Variants in NLGN1 observed in about 807,000 individuals in gnomAD.
The protein encoded by NLGN1 is neuroligin-1.
NLGN1 carries 12 observed loss-of-function variants against 65.5 expected under a neutral mutation model. The ratio of observed to expected loss-of-function variants is 0.18; its 90% confidence interval spans 0.12 to 0.30. The LOEUF (loss-of-function observed/expected upper bound fraction) is 0.30, where lower values mean the gene tolerates loss of function less well. NLGN1 is among the 10% of genes least tolerant of loss of function. The pLI is 1.00. For missense variants in NLGN1, 750 were observed against 1,007.1 expected, an observed-to-expected ratio of 0.74 and a Z score of 3.46; for synonymous variants, 350 against 359.5, an observed-to-expected ratio of 0.97 and a Z score of 0.30.
intron 4 of NLGN1, among the ~76,000 whole-genome samples, chr3:174,113,347 TAAGG>T (rs1319359737): frequency 2.0e-5 from 3 of 152,012 alleles, no homozygotes; most frequent in African/African-American, 7.2e-5. Context: ...TAAATGTTTC[TAAGG>T]AAGATTGACA....
At chr3:173,511,604 T>C (rs1732986244) in intron 2 of NLGN1, among the ~76,000 whole-genome samples, 1 of 152,204 alleles carries the variant, frequency 6.6e-6, no homozygotes, top group Non-Finnish European at 1.5e-5. Flanking sequence ...ATCACATGCT[T>C]GTTAGACCTT....
intron 2 of NLGN1, among the ~76,000 whole-genome samples, chr3:173,479,497 A>G (rs886953275): frequency 3.3e-5 from 5 of 152,192 alleles, no homozygotes; most frequent in Admixed American, 2.0e-4. Context: ...AATTTTGTAG[A>G]CAGGCTTTCT....
In NLGN1 at chr3:173,491,868, C is replaced by G. The variant is rs532531564; in HGVS notation, c.-321+56790C>G. On this transcript the variant is annotated intron_variant, in intron 2 of 6. Transcript: ENST00000457714. ...CAGTTTTAGGAGTCATCCTAAGTTG[C>G]CATTAACCCCTGAACTATGCCATTA... Among the ~76,000 whole-genome samples, 81 of 151,798 alleles carry G rather than the reference C, an allele frequency of 5.3e-4. 3 individuals carry two copies. The highest frequency in any genetic ancestry group is 1.9e-3 in the African/African-American group (79 of 41,172).
intron 2 of NLGN1, among the ~76,000 whole-genome samples, chr3:173,559,205 C>T (rs1272900021): frequency 4.6e-5 from 7 of 152,134 alleles, no homozygotes; most frequent in South Asian, 2.1e-4. Flanking sequence ...TCTCAATTTT[C>T]GGCCCCTTTT....
At chr3:174,233,093 T>C (rs1006399471) in intron 4 of NLGN1, among the ~76,000 whole-genome samples, 2 of 152,184 alleles carry the variant, frequency 1.3e-5, no homozygotes, top group African/African-American at 4.8e-5. Flanking sequence ...AGAAGGGTGC[T>C]CTGGGGTGGC....
At chr3:173,450,202 G>A (rs1357569123) in intron 2 of NLGN1, among the ~76,000 whole-genome samples, 4 of 152,126 alleles carry the variant, frequency 2.6e-5, no homozygotes, top group Non-Finnish European at 4.4e-5. Flanking sequence ...GGCTGGTACT[G>A]GTTGTTCCTT....
intron 4 of NLGN1, among the ~76,000 whole-genome samples, chr3:173,901,644 T>C (rs1399938500): frequency 6.6e-6 from 1 of 152,030 alleles, no homozygotes; most frequent in Admixed American, 6.6e-5. Flanking sequence ...AATAGTAATA[T>C]CTCTCTTTGT....
rs1750382000 is a variant in NLGN1 at position 174,275,519 on chromosome 3, C to G, written c.851C>G (p.Ser284Ter). The change falls in exon 5 of 7, where the codon TCA (serine) becomes TGA (stop). Residue 284 changes from serine to a stop codon, truncating the protein, a stop_gained. Transcript: ENST00000457714. LOFTEE classifies it high-confidence loss of function. ...TCTGAAGGTAACCGTTGGAGCAATT[C>G]AACCAAAGGTATTATGCAAGGTTGC... The G allele has an allele frequency of 6.2e-7, 1 of 1,611,046 alleles. No individual in the cohort carries two copies. Among genetic ancestry groups the G allele is most frequent in the African/African-American group, 1.3e-5 (1 of 74,774 alleles).
intron 4 of NLGN1, among the ~76,000 whole-genome samples, chr3:174,108,116 T>C (rs1037104956): frequency 6.6e-6 from 1 of 152,140 alleles, no homozygotes; most frequent in Admixed American, 6.6e-5. Flanking sequence ...AACTGCATCT[T>C]TCACAGAGCA....
intron 4 of NLGN1, among the ~76,000 whole-genome samples, chr3:174,005,586 G>A (rs1724195446): frequency 6.6e-6 from 1 of 152,058 alleles, no homozygotes; most frequent in African/African-American, 2.4e-5. Flanking sequence ...TAAGCCCTCT[G>A]CTGCATCTGT....
intron 4 of NLGN1, among the ~76,000 whole-genome samples, chr3:173,913,628 T>C (rs1740109729): frequency 6.6e-6 from 1 of 152,106 alleles, no homozygotes; most frequent in Non-Finnish European, 1.5e-5. Flanking sequence ...CTGGCTAGTG[T>C]CCAGGTACTA....
chr3:173,640,545 A>C (rs1757247833), intron 3 of NLGN1, among the ~76,000 whole-genome samples: 1 of 152,148 alleles, frequency 6.6e-6, no homozygotes, highest in Non-Finnish European at 1.5e-5. Flanking sequence ...TAAGGCTATT[A>C]TCATATCTAA....
intron 3 of NLGN1, among the ~76,000 whole-genome samples, chr3:173,798,945 A>G (rs1216482290): frequency 6.6e-6 from 1 of 151,972 alleles, no homozygotes; most frequent in African/African-American, 2.4e-5. Flanking sequence ...GAGAGTTATA[A>G]TAGTAAATTT....
chr3:174,221,962 C>T (rs1738751387), intron 4 of NLGN1, among the ~76,000 whole-genome samples: 1 of 152,064 alleles, frequency 6.6e-6, no homozygotes, highest in Admixed American at 6.6e-5. Context: ...GATTTTGGCC[C>T]TCTTCTAATC....
intron 4 of NLGN1, among the ~76,000 whole-genome samples, chr3:174,157,989 G>A (rs2152714904): frequency 6.6e-6 from 1 of 151,840 alleles, no homozygotes; most frequent in East Asian, 1.9e-4. Flanking sequence ...GCCTTAAGTA[G>A]AAAGTACATT....
intron 2 of NLGN1, among the ~76,000 whole-genome samples, chr3:173,444,732 C>T (rs1477451414): frequency 1.3e-5 from 2 of 151,708 alleles, no homozygotes; most frequent in Non-Finnish European, 2.9e-5. Context: ...ATCTATCTAT[C>T]TATATATACA....
intron 3 of NLGN1, among the ~76,000 whole-genome samples, chr3:173,700,143 G>A (rs1214194940): frequency 6.6e-6 from 1 of 152,174 alleles, no homozygotes; most frequent in African/African-American, 2.4e-5. Flanking sequence ...AAAAACCACA[G>A]GCTCCTGGGA....
At chr3:173,587,789 T>C (rs1409708233) in intron 2 of NLGN1, among the ~76,000 whole-genome samples, 5 of 152,182 alleles carry the variant, frequency 3.3e-5, no homozygotes, top group Non-Finnish European at 7.4e-5. Flanking sequence ...TAAAAACTGA[T>C]GTTGCATTCA....
At chr3:174,109,712 C>A (rs758555891) in intron 4 of NLGN1, among the ~76,000 whole-genome samples, 2 of 151,682 alleles carry the variant, frequency 1.3e-5, no homozygotes, top group Non-Finnish European at 2.9e-5. Flanking sequence ...AGGTACTATA[C>A]CTTATTGGAA....
Sources: gnomAD v4.1 joint callset for allele counts (sites outside exome capture counted in the v4.1 genomes callset) on GRCh38, gnomAD v4.1.1 for gene constraint, MANE v1.5 for transcripts, NCBI Gene and HGNC (gene_info 2026-07-23, HGNC 2026-07-21) for gene names.